The following BCL2L13 variants were observed in gnomAD, a reference collection of about 807,000 sequenced individuals.
BCL2L13 encodes BCL2 like 13, also known as bcl-2-like protein 13.
BCL2L13 carries 13 observed loss-of-function variants against 25.8 expected under a neutral mutation model. The ratio of observed to expected loss-of-function variants is 0.50; its 90% CI spans 0.33 to 0.80. The LOEUF (loss-of-function observed/expected upper bound fraction) is 0.80. BCL2L13 is among the 30% of genes least tolerant of loss of function. The probability of loss-of-function intolerance (pLI) is 0.02; values close to 1 mark genes in which losing one functional copy is unlikely to be tolerated. For synonymous variants in BCL2L13, 244 were observed against 230.3 expected, an observed-to-expected ratio of 1.06 and a Z score of -0.54; for missense variants, 504 against 574.9, an observed-to-expected ratio of 0.88 and a Z score of 1.26.
At chr22:17,694,819 G>C (rs528925560) in intron 4 of BCL2L13, among the ~76,000 whole-genome samples, 1 of 152,304 alleles carries the variant, frequency 6.6e-6, no homozygotes, top group Admixed American at 6.5e-5. Context: ...AAATGCAGGT[G>C]GTGGGGAAAA....
intron 4 of BCL2L13, chr22:17,695,898 T>C (rs540949481): frequency 2.6e-6 from 1 of 392,036 alleles, no homozygotes; most frequent in African/African-American, 2.0e-5. Flanking sequence ...ACAAAAAAAT[T>C]ACTAGAATAT....
In BCL2L13 at chr22:17,705,202, G is replaced by A. The variant is rs938149575; in HGVS notation, c.600+2816G>A. Among the ~76,000 whole-genome samples, 3 of 152,052 alleles carry A rather than the reference G, an allele frequency of 2.0e-5. No individual in the cohort carries two copies. The East Asian group carries it at 5.8e-4, about 30-fold the overall frequency. On this transcript the variant is annotated intron_variant, in intron 6 of 6. Coordinates refer to ENST00000317582, the MANE Select transcript of BCL2L13 (RefSeq NM_015367.4). The stretch of plus-strand genomic sequence containing the variant: ...GCAGGAGAATTGCTTAAACCAGGGA[G>A]GCAGAAGTTTCAGTGAGCTGAGATC...
chr22:17,678,463 A>G (rs1481846434), intron 2 of BCL2L13, among the ~76,000 whole-genome samples: 2 of 152,112 alleles, frequency 1.3e-5, no homozygotes, highest in African/African-American at 4.8e-5. Context: ...CCACCCAACC[A>G]GAAGATGACG....
chr22:17,696,138 C>T lies in BCL2L13; in HGVS notation c.387-3C>T. The T allele has an allele frequency of 6.2e-7, 1 of 1,611,972 alleles. No homozygotes were observed. Among genetic ancestry groups the T allele is most frequent in the Non-Finnish European group, 8.5e-7 (1 of 1,178,190 alleles). On this transcript the variant is annotated splice_polypyrimidine_tract_variant and splice_region_variant and intron_variant, in intron 4 of 6. Coordinates refer to ENST00000317582, the MANE Select transcript of BCL2L13 (RefSeq NM_015367.4). ...ACACAGACTTTTAAAAAAATCTCTA[C>T]AGGCCAGTGACATATCAGGCATTTC...
intron 1 of BCL2L13, among the ~76,000 whole-genome samples, chr22:17,631,706 A>ATTTTTTT (rs71201849): frequency 9.1e-5 from 1 of 10,932 alleles, no homozygotes; most frequent in African/African-American, 2.7e-4. Flanking sequence ...ATATATATAT[A>ATTTTTTT]TTTTTTTTTT....
At chr22:17,702,409 AAT>A in intron 6 of BCL2L13, 23 bp downstream of exon 6, 2 of 1,505,456 alleles carry the variant, frequency 1.3e-6, no homozygotes, top group Non-Finnish European at 1.8e-6. Flanking sequence ...ATATATTAAA[AAT>A]ATTTTCTTGA....
chr22:17,670,853 C>T (rs1445518707), intron 2 of BCL2L13, among the ~76,000 whole-genome samples: 1 of 152,196 alleles, frequency 6.6e-6, no homozygotes, highest in East Asian at 1.9e-4. Flanking sequence ...TCTTTTCCCT[C>T]AGATCTGTCC....
intron 2 of BCL2L13, among the ~76,000 whole-genome samples, chr22:17,676,412 G>A (rs889883262): frequency 6.6e-6 from 1 of 152,130 alleles, no homozygotes; most frequent in African/African-American, 2.4e-5. Context: ...GCAGTGAGCC[G>A]AGACTGCACC....
In BCL2L13 at chr22:17,726,788, C is replaced by G; in HGVS notation, c.712C>G (p.Pro238Ala). Residue 238 changes from proline (P) to alanine (A), a missense_variant, in exon 7 of 7, where the codon CCA (proline) becomes GCA (alanine). Coordinates refer to ENST00000317582, the MANE Select transcript of BCL2L13 (RefSeq NM_015367.4). ...CGACAACTCTGGACAAGTCAGTCCC[C>G]CAGAGTCTCCAACTGTGACCACTTC... The part of the protein sequence containing the change: ...PSDNSGQVSP[P>A]ESPTVTTSWQ... 3.1e-6 allele frequency: 5 copies of G among 1,614,190 alleles called. No homozygotes were observed. The highest frequency in any genetic ancestry group is 4.2e-6 in the Non-Finnish European group (5 of 1,180,040).
chr22:17,670,035 A>G (rs1162127853), intron 2 of BCL2L13, among the ~76,000 whole-genome samples: 1 of 152,194 alleles, frequency 6.6e-6, no homozygotes, highest in Non-Finnish European at 1.5e-5. Context: ...TCTTTCTCCC[A>G]TTGGTTGACC....
At chr22:17,647,443 C>T (rs11704728) in intron 1 of BCL2L13, among the ~76,000 whole-genome samples, 20,342 of 151,926 alleles carry the variant, frequency 0.13, 1,864 homozygotes, top group Non-Finnish European at 0.2. Context: ...TTTTTTTTCC[C>T]CCCGTCCATT....
intron 4 of BCL2L13, 112 bp downstream of exon 4, chr22:17,689,254 C>T (rs1280777159): frequency 2.2e-6 from 2 of 913,800 alleles, no homozygotes; most frequent in Non-Finnish European, 3.1e-6. Context: ...CTTCTTTTCT[C>T]ACTTTTCTTT....
intron 1 of BCL2L13, among the ~76,000 whole-genome samples, chr22:17,646,955 A>ATATATATATTTT (rs768488873): frequency 8.1e-4 from 18 of 22,186 alleles, no homozygotes; most frequent in Admixed American, 2.7e-3. Context: ...ATATATATAT[A>ATATATATATTTT]TTTTTTTTTT....
At chr22:17,688,310 T>G (rs1198883822) in intron 3 of BCL2L13, among the ~76,000 whole-genome samples, 1 of 152,206 alleles carries the variant, frequency 6.6e-6, no homozygotes, top group East Asian at 1.9e-4. Flanking sequence ...AGTTTGAAAA[T>G]TTATCCATGT....
Position 17,667,525 on chromosome 22 carries a change from T to C in BCL2L13, c.121+11693T>C, listed in dbSNP as rs145472147. Among the ~76,000 whole-genome samples the C allele has an allele frequency of 1.0e-2, 1,511 of 151,696 alleles. 11 individuals carry two copies. The highest frequency in any genetic ancestry group is 0.024 in the Middle Eastern group (7 of 294). On this transcript the variant is annotated intron_variant, in intron 2 of 6. Transcript: ENST00000317582. ...GAAGTCTTTGTTGTTATTGTTGTTT[T>C]TGAGACAGAGTCTATCTCTGTTGCC...
At chr22:17,703,803 T>C (rs1183102759) in intron 6 of BCL2L13, 1 of 152,218 alleles carries the variant, frequency 6.6e-6, no homozygotes, top group Non-Finnish European at 1.5e-5. Flanking sequence ...GTTGTCTTCC[T>C]ACTTAAGTAC....
In BCL2L13 at chr22:17,727,171, C is replaced by A; in HGVS notation, c.1095C>A (p.Ile365=). 6.2e-7 allele frequency: 1 copy of A among 1,614,192 alleles called. No homozygotes were observed. The highest frequency in any genetic ancestry group is 8.5e-7 in the Non-Finnish European group (1 of 1,180,038). ...LGTREPDTEV[I]TVEKSSPATS... ...CAAGGGAACCTGACACAGAAGTGAT[C>A]ACAGTTGAGAAATCCAGCCCTGCTA... The change falls in exon 7 of 7, where the codon ATC becomes ATA. Residue 365 remains isoleucine, a synonymous_variant. Transcript: ENST00000317582.
At chr22:17,685,760 C>CTTTTTCTT (rs1284074134) in intron 3 of BCL2L13, among the ~76,000 whole-genome samples, 8 of 60,524 alleles carry the variant, frequency 1.3e-4, no homozygotes, top group African/African-American at 5.1e-4. Context: ...TTTTCTTTTT[C>CTTTTTCTT]TTTTTTTTTT....
upstream of BCL2L13, among the ~76,000 whole-genome samples, chr22:17,637,135 G>A (rs909501125): frequency 1.3e-5 from 2 of 151,964 alleles, no homozygotes; most frequent in African/African-American, 2.4e-5. Flanking sequence ...AGCCAGGCAC[G>A]GTGGCTCACG....
Sources: allele counts gnomAD v4.1 joint callset (sites outside exome capture counted in the v4.1 genomes callset), GRCh38; gene constraint gnomAD v4.1.1; transcripts MANE v1.5; gene names NCBI Gene and HGNC (gene_info 2026-07-23, HGNC 2026-07-21).